PCDHA8: variants seen among roughly 807,000 people sequenced by gnomAD.
PCDHA8 encodes protocadherin alpha-8.
Under a neutral mutation model 61.8 loss-of-function variants are expected in PCDHA8, and 53 were observed. That is an observed-to-expected ratio of 0.86 (90% CI 0.69 to 1.08). The LOEUF is 1.08. Among genes scored for constraint, PCDHA8 ranks in the 50% least tolerant of loss-of-function variants. The probability of loss-of-function intolerance (pLI) is 0.00; values close to 1 mark genes in which losing one functional copy is unlikely to be tolerated. For synonymous variants in PCDHA8, 618 were observed against 556.6 expected, an observed-to-expected ratio of 1.11 and a Z score of -1.55; for missense variants, 1,293 against 1,245.0, an observed-to-expected ratio of 1.04 and a Z score of -0.58.
At chr5:140,997,967 G>A (rs1275111362) in intron 3 of PCDHA8, among the ~76,000 whole-genome samples, 1 of 152,104 alleles carries the variant, frequency 6.6e-6, no homozygotes, top group African/African-American at 2.4e-5. Flanking sequence ...CGTACCTGTG[G>A]TTGGACTGCA....
rs782392001 is a variant in PCDHA8 at position 140,857,340 on chromosome 5, C to G, written c.2394+13625C>G. 2.5e-6 allele frequency: 4 copies of G among 1,598,236 alleles called. No individual in the cohort carries two copies. The South Asian group carries it at 4.4e-5, about 18-fold the overall frequency. ...GTGGTGACCGCGCGGGACGGGGGCTCGCCTCCGCTGTGGGCCACGGCCAGC... is the reference window on the plus strand; with the variant it reads ...GTGGTGACCGCGCGGGACGGGGGCTGGCCTCCGCTGTGGGCCACGGCCAGC... On this transcript the variant is annotated intron_variant, in intron 1 of 3. Coordinates refer to ENST00000531613, the MANE Select transcript of PCDHA8 (RefSeq NM_018911.3).
chr5:140,877,240 G>T, intron 1 of PCDHA8: 1 of 1,613,736 alleles, frequency 6.2e-7, no homozygotes, highest in Non-Finnish European at 8.5e-7. Flanking sequence ...TGCGGGCCAC[G>T]TGGTGGCGAA....
chr5:140,918,703 A>G (rs2153549940), intron 1 of PCDHA8, among the ~76,000 whole-genome samples: 1 of 152,306 alleles, frequency 6.6e-6, no homozygotes, highest in Non-Finnish European at 1.5e-5. Context: ...TTAAGTCATG[A>G]GGGCAGAGCC....
intron 1 of PCDHA8, chr5:140,966,627 C>G: frequency 6.3e-6 from 6 of 951,596 alleles, no homozygotes; most frequent in Non-Finnish European, 8.6e-6. Flanking sequence ...AGGGAGCGGC[C>G]CCAGGCGCTT....
At chr5:140,972,344 C>T (rs1379310170) in intron 1 of PCDHA8, among the ~76,000 whole-genome samples, 26 of 151,148 alleles carry the variant, frequency 1.7e-4, no homozygotes, top group African/African-American at 6.3e-4. Context: ...AGATGGGGGT[C>T]TCACTATGTT....
Position 140,979,023 on chromosome 5 carries a change from C to G in PCDHA8, c.2453+16C>G, listed in dbSNP as rs2096831948. On this transcript the variant is annotated intron_variant, in intron 2 of 3. Transcript: ENST00000531613. ...GCATGCACAGGTATGTATTTCCCTC[C>G]TCATTCACTCAGAAGTAACCTTAAC... The G allele has an allele frequency of 6.2e-7, 1 of 1,613,422 alleles. No homozygotes were observed.
At chr5:140,968,116 A>C in intron 1 of PCDHA8, 1 of 1,614,174 alleles carries the variant, frequency 6.2e-7, no homozygotes, top group South Asian at 1.1e-5. Context: ...CGCAGCTCAC[A>C]TCCCTGCGTA....
chr5:140,874,624 A>G (rs1554167312), intron 1 of PCDHA8, among the ~76,000 whole-genome samples: 3 of 152,242 alleles, frequency 2.0e-5, no homozygotes, highest in African/African-American at 2.4e-5. Flanking sequence ...AACATTTTAC[A>G]TTAAAGTGCT....
intron 3 of PCDHA8, among the ~76,000 whole-genome samples, chr5:140,985,779 G>A (rs2097170620): frequency 7.9e-6 from 1 of 126,148 alleles, no homozygotes; most frequent in Non-Finnish European, 1.6e-5. Flanking sequence ...TCGCTCTGTC[G>A]CCCAGGCTGG....
At chr5:140,865,092 AG>A (rs2153225895) in intron 1 of PCDHA8, 1 of 152,364 alleles carries the variant, frequency 6.6e-6, no homozygotes, top group East Asian at 1.9e-4. Context: ...ATATTAATAA[AG>A]GCACTTCCAC....
At chr5:140,871,254 T>A in intron 1 of PCDHA8, 1 of 1,613,952 alleles carries the variant, frequency 6.2e-7, no homozygotes, top group Non-Finnish European at 8.5e-7. Context: ...TGCTGCTGTA[T>A]ACGGCGCTGT....
At chr5:140,871,321 T>A in intron 1 of PCDHA8, 2 of 1,614,066 alleles carry the variant, frequency 1.2e-6, no homozygotes, top group Non-Finnish European at 1.7e-6. Flanking sequence ...CACGCTGGTG[T>A]GCTCCCGCGC....
chr5:140,856,303 G>C (rs1554148515), intron 1 of PCDHA8: 1 of 1,598,648 alleles, frequency 6.3e-7, no homozygotes, highest in Non-Finnish European at 8.6e-7. Flanking sequence ...TTTTGTTTGT[G>C]AATTCTCGGA....
intron 1 of PCDHA8, chr5:140,969,176 G>T (rs1554231542): frequency 6.2e-7 from 1 of 1,614,102 alleles, no homozygotes; most frequent in African/African-American, 1.3e-5. Context: ...CTCAGGGAGT[G>T]ACACTTTCAT....
chr5:140,863,334 G>T (rs782071935), intron 1 of PCDHA8: 24 of 1,387,574 alleles, frequency 1.7e-5, no homozygotes, highest in South Asian at 5.7e-5. Flanking sequence ...TAGTGCTCAC[G>T]TTGCTGCTGT....
intron 1 of PCDHA8, 40 bp from the exon 2 acceptor site, chr5:140,978,909 C>T: frequency 6.2e-7 from 1 of 1,613,660 alleles, no homozygotes; most frequent in South Asian, 1.1e-5. Context: ...AGAACATTGT[C>T]TTGTCATTTT....
chr5:140,853,497 T>C lies in PCDHA8; in HGVS notation c.2394+9782T>C, dbSNP rs1479086696. On this transcript the variant is annotated intron_variant, in intron 1 of 3. Coordinates refer to ENST00000531613, the MANE Select transcript of PCDHA8 (RefSeq NM_018911.3). Reference sequence around the variant, plus strand: ...TAACATTCCTCAATTCAAGTTAGAATCATGAAACAATAATGAAGCTCCTCC... The same window carrying C: ...TAACATTCCTCAATTCAAGTTAGAACCATGAAACAATAATGAAGCTCCTCC... The C allele has an allele frequency of 3.6e-5, 35 of 975,892 alleles. 4 individuals are homozygous for C. The highest frequency in any genetic ancestry group is 4.2e-5 in the Non-Finnish European group (34 of 808,754). The allele number at this position is 975,892 out of a possible 1,614,324, so 60.5% of individuals were successfully genotyped here.
intron 1 of PCDHA8, chr5:140,857,764 G>T (rs552891884): frequency 6.3e-7 from 1 of 1,597,520 alleles, no homozygotes; most frequent in Non-Finnish European, 8.6e-7. Flanking sequence ...CTGGCAGCGC[G>T]GGCGGTGCAG....
intron 1 of PCDHA8, chr5:140,849,764 G>C (rs2041112931): frequency 6.3e-6 from 10 of 1,598,402 alleles, no homozygotes; most frequent in Non-Finnish European, 8.6e-6. Context: ...CCTACGAGCT[G>C]GTGGTTACCG....
Sources: gnomAD v4.1 joint callset for allele counts (sites outside exome capture counted in the v4.1 genomes callset) on GRCh38, gnomAD v4.1.1 for gene constraint, MANE v1.5 for transcripts, NCBI Gene and HGNC (gene_info 2026-07-23, HGNC 2026-07-21) for gene names.